AOPEP: variants seen among roughly 807,000 people sequenced by gnomAD.
AOPEP encodes the protein aminopeptidase O.
A neutral mutation model predicts 98.1 loss-of-function variants in AOPEP; 77 were observed. The observed-to-expected ratio is 0.78, with a 90% CI of 0.65 to 0.95. The LOEUF (loss-of-function observed/expected upper bound fraction) is 0.95, where lower values mean the gene tolerates loss of function less well. Ranked by LOEUF, AOPEP falls within the 40% of genes least tolerant of loss-of-function variation. AOPEP has a pLI of 0.00. For missense variants in AOPEP, 1,024 were observed against 1,024.7 expected (o/e 1.00, Z 0.01); for synonymous variants, 346 against 365.3 (o/e 0.95, Z 0.60).
At chr9:94,988,316 G>T (rs75407791) in intron 11 of AOPEP, among the ~76,000 whole-genome samples, 6,367 of 152,224 alleles carry the variant, frequency 0.042, 444 homozygotes, top group African/African-American at 0.14. Flanking sequence ...TGGGAAGTCG[G>T]CAGGGAGAGT....
chr9:95,143,039 C>G, the AOPEP span, among the ~76,000 whole-genome samples: 1 of 152,218 alleles, frequency 6.6e-6, no homozygotes, highest in African/African-American at 2.4e-5. Context: ...TCTCATTCTT[C>G]TGACCAACTA....
At chr9:95,063,845 C>A (rs1267251729) in intron 14 of AOPEP, among the ~76,000 whole-genome samples, 1 of 152,070 alleles carries the variant, frequency 6.6e-6, no homozygotes, top group Non-Finnish European at 1.5e-5. Context: ...TCATGCCTGG[C>A]CCCAGGTGCT....
intron 6 of AOPEP, among the ~76,000 whole-genome samples, chr9:94,924,627 A>C (rs1344681727): frequency 3.3e-5 from 5 of 152,206 alleles, no homozygotes; most frequent in Non-Finnish European, 7.3e-5. Flanking sequence ...ATAAATCCAG[A>C]GTCATCTCAG....
chr9:95,149,950 A>G, the AOPEP span: 1 of 1,610,266 alleles, frequency 6.2e-7, no homozygotes, highest in Non-Finnish European at 8.5e-7. Context: ...TACAGCCTCA[A>G]AGAACTCTGG....
the AOPEP span, among the ~76,000 whole-genome samples, chr9:95,102,055 G>A: frequency 5.3e-5 from 8 of 152,148 alleles, no homozygotes; most frequent in East Asian, 3.9e-4. Context: ...CACAGTGAGC[G>A]GTGCCATTTC....
In AOPEP at chr9:94,848,647, A is replaced by G. The variant is rs2043155198; in HGVS notation, c.1364+47645A>G. On this transcript the variant is annotated intron_variant, in intron 5 of 16. Transcript: ENST00000375315. ...AAACAAACAAACAAACAAACAAACC[A>G]AAAACAAAAAAACAAAAAAAAAACA... 4.0e-5 allele frequency among the ~76,000 whole-genome samples: 6 copies of G among 151,806 alleles called. No homozygotes were observed. In the South Asian group the frequency reaches 1.0e-3, roughly 26 times the overall value.
intron 1 of AOPEP, among the ~76,000 whole-genome samples, chr9:94,733,524 C>G (rs1162115872): frequency 6.6e-6 from 1 of 152,150 alleles, no homozygotes; most frequent in Non-Finnish European, 1.5e-5. Flanking sequence ...TAAACATACC[C>G]TTAGGTTCCT....
At chr9:94,998,006 C>CT (rs998781012) in intron 11 of AOPEP, among the ~76,000 whole-genome samples, 1 of 151,966 alleles carries the variant, frequency 6.6e-6, no homozygotes, top group East Asian at 1.9e-4. Context: ...GCTGAAAACT[C>CT]TTTAAGGTTA....
intron 1 of AOPEP, 144 bp downstream of exon 1, chr9:94,726,895 CCCT>C (rs1829310404): frequency 3.9e-5 from 6 of 152,634 alleles, no homozygotes; most frequent in Admixed American, 3.9e-4. Flanking sequence ...GACCCGCATC[CCCT>C]CCTCAGTTCT....
chr9:94,800,803 A>G lies in AOPEP; in HGVS notation c.1165A>G (p.Asn389Asp), dbSNP rs1164475685. ...SHMEYPCRFQ[N>D]ASATTQEIIP... ...CATGGAATACCCCTGCCGCTTCCAG[A>G]ATGCTTCTGCCACCACCCAGGAGAT... The change falls in exon 5 of 17, where the codon AAT (asparagine) becomes GAT (aspartate). Residue 389 changes from asparagine (N) to aspartate (D), a missense_variant. By Grantham distance (23) the Asn-to-Asp change is conservative. Around this residue, in one of 3 missense-constraint regions of AOPEP, gnomAD observed 18 missense variants for 39.1 expected, o/e 0.46. Transcript: ENST00000375315. 1 of 1,614,036 alleles carries G rather than the reference A, an allele frequency of 6.2e-7. No individual in the cohort carries two copies. Among genetic ancestry groups the G allele is most frequent in the Non-Finnish European group, 8.5e-7 (1 of 1,180,024 alleles).
chr9:94,913,166 G>T (rs2052330420), intron 5 of AOPEP, among the ~76,000 whole-genome samples: 1 of 152,198 alleles, frequency 6.6e-6, no homozygotes. Flanking sequence ...TGAGTCAAGG[G>T]AACCATCCAG....
intron 1 of AOPEP, among the ~76,000 whole-genome samples, chr9:94,731,480 C>T (rs1165699835): frequency 6.6e-6 from 1 of 152,186 alleles, no homozygotes; most frequent in African/African-American, 2.4e-5. Context: ...CCTGCCTCAG[C>T]CTCCCAAAGT....
intron 5 of AOPEP, among the ~76,000 whole-genome samples, chr9:94,863,668 G>A (rs544311593): frequency 8.6e-5 from 13 of 151,540 alleles, no homozygotes; most frequent in East Asian, 1.9e-4. Flanking sequence ...CACCCGCCTC[G>A]GCCTCCCAAA....
chr9:95,063,609 C>T (rs565274656), intron 14 of AOPEP, among the ~76,000 whole-genome samples: 49 of 152,326 alleles, frequency 3.2e-4, no homozygotes, highest in Admixed American at 7.2e-4. Context: ...CATGCTGCAG[C>T]GTGCCCTGCT....
intron 1 of AOPEP, among the ~76,000 whole-genome samples, chr9:94,758,909 G>T (rs1837634383): frequency 7.3e-6 from 1 of 137,388 alleles, no homozygotes; most frequent in Non-Finnish European, 1.6e-5. Context: ...TCCTTTTATA[G>T]GTATTTGCCT....
chr9:94,797,514 C>G (rs533467862), intron 4 of AOPEP, among the ~76,000 whole-genome samples: 9 of 151,688 alleles, frequency 5.9e-5, no homozygotes, highest in African/African-American at 2.2e-4. Context: ...GCTGAGTTAT[C>G]ATAGAATCAT....
At chr9:94,822,266 G>A (rs1473718134) in intron 5 of AOPEP, among the ~76,000 whole-genome samples, 1 of 152,080 alleles carries the variant, frequency 6.6e-6, no homozygotes, top group African/African-American at 2.4e-5. Flanking sequence ...AGCTGAAACA[G>A]CAGCAGGAGG....
At chr9:95,012,161 G>C (rs2062580131) in intron 13 of AOPEP, among the ~76,000 whole-genome samples, 1 of 152,130 alleles carries the variant, frequency 6.6e-6, no homozygotes, top group South Asian at 2.1e-4. Context: ...TCAAACAATT[G>C]CTATAAAAAA....
intron 7 of AOPEP, among the ~76,000 whole-genome samples, chr9:94,950,721 G>A (rs576205455): frequency 9.2e-5 from 14 of 152,338 alleles, no homozygotes; most frequent in South Asian, 4.1e-4. Flanking sequence ...TGGCTCAGGC[G>A]TGGCAGCAGC....
Sources: gnomAD v4.1 joint callset for allele counts (sites outside exome capture counted in the v4.1 genomes callset) on GRCh38, gnomAD v4.1.1 for gene constraint, gnomAD v4.1.1 regional missense constraint, MANE v1.5 for transcripts, NCBI Gene and HGNC (gene_info 2026-07-23, HGNC 2026-07-21) for gene names.